INTS3: variants seen among roughly 807,000 people sequenced by gnomAD.
The protein encoded by INTS3 is SOSS complex subunit A.
In INTS3, 34 loss-of-function variants were observed where a neutral mutation model predicts 146.3. That is an observed-to-expected ratio of 0.23 (90% CI 0.18 to 0.31). The LOEUF is 0.31. Ranked by LOEUF, INTS3 falls within the 10% of genes least tolerant of loss-of-function variation. The pLI is 1.00. For synonymous variants in INTS3, 475 were observed against 494.9 expected, an observed-to-expected ratio of 0.96 and a Z score of 0.53; for missense variants, 757 against 1,304.2, an observed-to-expected ratio of 0.58 and a Z score of 6.46.
Position 153,773,756 on chromosome 1 carries a change from A to G in INTS3, c.*486A>G. ...GGGACGTTTTATAGTCACTATCCACATGCCAGTGTGAAATGGGCATCTATG... is the reference window on the plus strand; with the variant it reads ...GGGACGTTTTATAGTCACTATCCACGTGCCAGTGTGAAATGGGCATCTATG... On this transcript the variant is annotated 3_prime_UTR_variant, in exon 30 of 30. Transcript: ENST00000318967. 5.5e-6 allele frequency: 1 copy of G among 182,132 alleles called. No individual in the cohort carries two copies. Among genetic ancestry groups the G allele is most frequent in the Admixed American group, 5.5e-5 (1 of 18,056 alleles). 11.3% of individuals were successfully genotyped at this position (182,132 alleles called of 1,614,324 possible).
chr1:153,768,316 C>G (rs1672677913), intron 21 of INTS3, among the ~76,000 whole-genome samples: 1 of 152,120 alleles, frequency 6.6e-6, no homozygotes, highest in African/African-American at 2.4e-5. Context: ...GGTAGAAGTT[C>G]CCAGGAAGAG....
intron 1 of INTS3, among the ~76,000 whole-genome samples, chr1:153,739,477 G>T (rs1303703020): frequency 6.6e-6 from 1 of 151,892 alleles, no homozygotes; most frequent in African/African-American, 2.4e-5. Flanking sequence ...CGAGTAGCTG[G>T]AATTACAGAC....
chr1:153,760,004 G>T, intron 11 of INTS3: 2 of 507,608 alleles, frequency 3.9e-6, no homozygotes, highest in Admixed American at 3.3e-5. Context: ...AGTGGAAATG[G>T]GGGGAATAGA....
Position 153,764,111 on chromosome 1 carries a change from C to T in INTS3, c.1822-7C>T. The T allele has an allele frequency of 6.2e-7, 1 of 1,610,776 alleles. No homozygotes were observed. Among genetic ancestry groups the T allele is most frequent in the Non-Finnish European group, 8.5e-7 (1 of 1,177,052 alleles). ...AGTGACTCTCCCTCCCTTGTCTCAT[C>T]ACCCAGGAAGACTTTGACTCGGAGC... On this transcript the variant is annotated splice_polypyrimidine_tract_variant and splice_region_variant and intron_variant, in intron 17 of 29. Transcript: ENST00000318967.
chr1:153,730,902 G>T (rs1671035500), intron 1 of INTS3, among the ~76,000 whole-genome samples: 1 of 152,062 alleles, frequency 6.6e-6, no homozygotes, highest in African/African-American at 2.4e-5. Flanking sequence ...GGTCTCTAAG[G>T]GCAAGACTTA....
In INTS3 at chr1:153,762,678, T is replaced by A. The variant is rs751123883; in HGVS notation, c.1517-50T>A. 1.6e-5 allele frequency: 26 copies of A among 1,608,636 alleles called. No individual in the cohort carries two copies. The Admixed American group carries it at 2.5e-4, about 16-fold the overall frequency. ...TCCCTTCCTAGAAGCATGGGGCATGTTAGAGGACCCAGGAGGCCATTAAAT... is the reference window on the plus strand; with the variant it reads ...TCCCTTCCTAGAAGCATGGGGCATGATAGAGGACCCAGGAGGCCATTAAAT... On this transcript the variant is annotated intron_variant, in intron 14 of 29. Coordinates refer to ENST00000318967, the MANE Select transcript of INTS3 (RefSeq NM_023015.5).
Position 153,728,421 on chromosome 1 carries a change from A to T in INTS3, c.-214A>T, listed in dbSNP as rs1366349398. The stretch of plus-strand genomic sequence containing the variant: ...CCAACGCCTTTCCCTCAGCACTGCC[A>T]CCCCAGAGTCAGGACCCAGAGGACT... On this transcript the variant is annotated 5_prime_UTR_variant, in exon 1 of 30. Coordinates refer to ENST00000318967, the MANE Select transcript of INTS3 (RefSeq NM_023015.5). The T allele has an allele frequency of 5.6e-6, 3 of 534,924 alleles. No individual in the cohort carries two copies. The African/African-American group carries it at 6.0e-5, about 11-fold the overall frequency. The allele number at this position is 534,924 out of a possible 1,614,324, so 33.1% of individuals were successfully genotyped here. A position where few individuals can be genotyped will look rare whatever the true frequency, so the allele number is the denominator to read the frequency against.
chr1:153,732,612 C>CT (rs911665266), intron 1 of INTS3, among the ~76,000 whole-genome samples: 1 of 151,700 alleles, frequency 6.6e-6, no homozygotes, highest in African/African-American at 2.4e-5. Context: ...CACCCAGCTA[C>CT]TTTTTTTGCA....
Position 153,771,184 on chromosome 1 carries a change from G to C in INTS3, c.2552+451G>C, listed in dbSNP as rs1282900653. On this transcript the variant is annotated intron_variant, in intron 25 of 29. Coordinates refer to ENST00000318967, the MANE Select transcript of INTS3 (RefSeq NM_023015.5). ...GACCTACTGTGCCTTGACAGGGTGG[G>C]GCAGAGAGGGAGAGGGTGGCAGCCC... Among the ~76,000 whole-genome samples the C allele has an allele frequency of 4.1e-4, 62 of 152,200 alleles. 2 individuals are homozygous for C. The highest frequency in any genetic ancestry group is 3.9e-3 in the Admixed American group (60 of 15,282).
chr1:153,755,819 A>G (rs988250259), intron 9 of INTS3, among the ~76,000 whole-genome samples: 3 of 151,914 alleles, frequency 2.0e-5, no homozygotes, highest in African/African-American at 7.3e-5. Context: ...TGGGCAGATC[A>G]CTTGAGATCA....
At chr1:153,764,541 G>A (rs1251869210) in intron 18 of INTS3, 149 bp from the exon 19 acceptor site, 2 of 755,416 alleles carry the variant, frequency 2.6e-6, no homozygotes, top group African/African-American at 1.7e-5. Context: ...TTAGGAACCT[G>A]TTTTCTCTGT....
intron 1 of INTS3, among the ~76,000 whole-genome samples, chr1:153,731,875 G>C (rs1246790502): frequency 6.9e-6 from 1 of 143,950 alleles, no homozygotes; most frequent in Non-Finnish European, 1.5e-5. Flanking sequence ...TTGAGCCACC[G>C]CACCTGGCCC....
intron 29 of INTS3, 45 bp from the exon 30 acceptor site, chr1:153,773,148 C>G: frequency 1.2e-6 from 2 of 1,613,550 alleles, no homozygotes; most frequent in Non-Finnish European, 8.5e-7. Context: ...GCGCCAGCAG[C>G]TGCCCAGGCT....
rs1672703885 is a variant in INTS3 at position 153,768,931 on chromosome 1, C to T, written c.2283C>T (p.Asn761=). Residue 761 remains asparagine (N), a synonymous_variant, in exon 22 of 30, where the codon AAC becomes AAT. Transcript: ENST00000318967. ...CCTTGAGGAGCGGAGAGCTGCTGAA[C>T]ATGATCGTGGCTGTTATTGACTCTG... ...DETLRSGELL[N]MIVAVIDSAQ... The T allele has an allele frequency of 1.2e-6, 2 of 1,613,866 alleles. No homozygotes were observed. The highest frequency in any genetic ancestry group is 1.3e-5 in the African/African-American group (1 of 74,904).
At chr1:153,760,521 C>A in intron 12 of INTS3, 131 bp downstream of exon 12, 1 of 719,934 alleles carries the variant, frequency 1.4e-6, no homozygotes, top group Non-Finnish European at 2.4e-6. Flanking sequence ...GGGTCCTATC[C>A]CCCAAGTTAA....
intron 1 of INTS3, among the ~76,000 whole-genome samples, chr1:153,734,013 A>G (rs1671192897): frequency 6.6e-6 from 1 of 152,170 alleles, no homozygotes; most frequent in Admixed American, 6.6e-5. Flanking sequence ...ATACTGGGAA[A>G]GAGAAAGGCC....
chr1:153,774,368 C>T lies in INTS3; in HGVS notation c.*1098C>T, dbSNP rs937922489. On this transcript the variant is annotated 3_prime_UTR_variant, in exon 30 of 30. Coordinates refer to ENST00000318967, the MANE Select transcript of INTS3 (RefSeq NM_023015.5). ...AAGATGCTTCCAAAAGGTCTGTCAT[C>T]CTCCAGTTGAAGTCTGTGTGCCTAC... The T allele has an allele frequency of 6.6e-6, 1 of 152,286 alleles. No homozygotes were observed. The highest frequency in any genetic ancestry group is 1.5e-5 in the Non-Finnish European group (1 of 68,128). The allele number at this position is 152,286 out of a possible 1,614,324, so 9.4% of individuals were successfully genotyped here.
At chr1:153,764,085 T>C in intron 17 of INTS3, 33 bp from the exon 18 acceptor site, 1 of 1,550,250 alleles carries the variant, frequency 6.5e-7, no homozygotes, top group South Asian at 1.1e-5. Flanking sequence ...TGGGTGTAGG[T>C]AGTGACTCTC....
intron 12 of INTS3, 134 bp downstream of exon 12, chr1:153,760,524 C>A: frequency 2.8e-6 from 2 of 708,366 alleles, no homozygotes; most frequent in Non-Finnish European, 2.4e-6. Flanking sequence ...TCCTATCCCC[C>A]AAGTTAATAA....
Sources: allele counts gnomAD v4.1 joint callset (sites outside exome capture counted in the v4.1 genomes callset), GRCh38; gene constraint gnomAD v4.1.1; transcripts MANE v1.5; gene names NCBI Gene and HGNC (gene_info 2026-07-23, HGNC 2026-07-21).